Variants in ADGRL3 observed in about 807,000 individuals in gnomAD.
ADGRL3 encodes adhesion G protein-coupled receptor L3.
A neutral mutation model predicts 153.5 loss-of-function variants in ADGRL3; 62 were observed. The observed-to-expected ratio is 0.40, with a 90% CI of 0.33 to 0.50. The LOEUF is 0.50. Ranked by LOEUF, ADGRL3 falls within the 20% of genes least tolerant of loss-of-function variation. The pLI is 0.47. For synonymous variants in ADGRL3, 710 were observed against 672.5 expected (o/e 1.06, Z -0.86); for missense variants, 1,641 against 1,859.4 (o/e 0.88, Z 2.16).
At chr4:61,412,300 C>G (rs970397059) in intron 2 of ADGRL3, among the ~76,000 whole-genome samples, 2 of 152,030 alleles carry the variant, frequency 1.3e-5, no homozygotes, top group Non-Finnish European at 2.9e-5. Context: ...GTTGCTTAGT[C>G]TGGTCTCGAA....
At chr4:61,756,703 C>T (rs1397486281) in intron 8 of ADGRL3, among the ~76,000 whole-genome samples, 1 of 152,110 alleles carries the variant, frequency 6.6e-6, no homozygotes, top group Non-Finnish European at 1.5e-5. Flanking sequence ...GTGCCGGTTT[C>T]CAAAGGGAAT....
At chr4:61,888,852 T>C (rs527597635) in intron 9 of ADGRL3, among the ~76,000 whole-genome samples, 2 of 152,334 alleles carry the variant, frequency 1.3e-5, no homozygotes, top group South Asian at 4.1e-4. Flanking sequence ...ACTTTAAATC[T>C]AATTGTTCTG....
chr4:61,746,729 G>C (rs1429950243), intron 8 of ADGRL3, among the ~76,000 whole-genome samples: 3 of 152,142 alleles, frequency 2.0e-5, no homozygotes, highest in Admixed American at 6.5e-5. Context: ...GAAATTTATA[G>C]CACTAAATGT....
chr4:61,999,084 A>G (rs1415343067), intron 21 of ADGRL3, among the ~76,000 whole-genome samples: 1 of 152,208 alleles, frequency 6.6e-6, no homozygotes, highest in African/African-American at 2.4e-5. Flanking sequence ...AGAGATAAAG[A>G]AACCTTCCTA....
At chr4:61,357,935 G>C (rs1001705591) in intron 1 of ADGRL3, among the ~76,000 whole-genome samples, 29 of 152,124 alleles carry the variant, frequency 1.9e-4, no homozygotes, top group Admixed American at 1.7e-3. Flanking sequence ...TCAAGGTACA[G>C]GCCTTAGAAT....
intron 9 of ADGRL3, 67 bp from the exon 10 acceptor site, chr4:61,892,589 A>G: frequency 8.9e-7 from 1 of 1,117,466 alleles, no homozygotes; most frequent in East Asian, 2.3e-5. Context: ...TTTCTAAAGT[A>G]CTAGGACATC....
intron 5 of ADGRL3, among the ~76,000 whole-genome samples, chr4:61,616,337 C>A (rs924641926): frequency 6.6e-6 from 1 of 151,960 alleles, no homozygotes; most frequent in African/African-American, 2.4e-5. Flanking sequence ...TAATTTAAAG[C>A]CATTAATATT....
rs147234473 is a variant in ADGRL3 at position 61,618,489 on chromosome 4, G to A, written c.473+31049G>A. On this transcript the variant is annotated intron_variant, in intron 5 of 26. Transcript: ENST00000683033. ...ATTCTGATCTGATCTGGGCCTACTA[G>A]GCTGGGGTTTGATGGATCAAGTGTC... Among the ~76,000 whole-genome samples the A allele has an allele frequency of 1.1e-3, 160 of 152,246 alleles. No homozygotes were observed. In the East Asian group the frequency reaches 0.027, roughly 25 times the overall value.
intron 1 of ADGRL3, among the ~76,000 whole-genome samples, chr4:61,229,367 G>T (rs562707939): frequency 3.2e-4 from 48 of 152,260 alleles, no homozygotes; most frequent in African/African-American, 1.1e-3. Context: ...TTATTAATAA[G>T]TCAATGAAAG....
At chr4:62,025,412 C>A (rs1019737621) in intron 21 of ADGRL3, among the ~76,000 whole-genome samples, 1 of 152,144 alleles carries the variant, frequency 6.6e-6, no homozygotes, top group Non-Finnish European at 1.5e-5. Flanking sequence ...GTGAACACTA[C>A]AATCCTAAAA....
At chr4:61,648,301 A>ATCCAGGAT (rs1435174032) in intron 5 of ADGRL3, among the ~76,000 whole-genome samples, 2 of 151,354 alleles carry the variant, frequency 1.3e-5, no homozygotes, top group East Asian at 3.9e-4. Context: ...TTTATACTTA[A>ATCCAGGAT]TCCAGGATTC....
chr4:61,634,642 G>T (rs1169833284), intron 5 of ADGRL3, among the ~76,000 whole-genome samples: 2 of 152,144 alleles, frequency 1.3e-5, no homozygotes, highest in Non-Finnish European at 2.9e-5. Flanking sequence ...AACAATTGGT[G>T]AGATGAGAAG....
At chr4:61,714,853 G>T (rs77567687) in intron 6 of ADGRL3, among the ~76,000 whole-genome samples, 10,420 of 151,970 alleles carry the variant, frequency 0.069, 472 homozygotes, top group Non-Finnish European at 0.1. Flanking sequence ...TCATCCTCCG[G>T]TAAACTACCT....
At chr4:61,969,484 T>G (rs2099019028) in intron 17 of ADGRL3, among the ~76,000 whole-genome samples, 1 of 152,140 alleles carries the variant, frequency 6.6e-6, no homozygotes, top group Admixed American at 6.6e-5. Flanking sequence ...GATCGTTCTA[T>G]GTATTTTTAA....
At position 62,072,465 on chromosome 4, in the gene ADGRL3, AT is replaced by A. The variant is rs1474674520; in HGVS notation, c.*1558del. Reference sequence around the variant, plus strand: ...AAGATATTGTATTGATGTATGTACTATATGATTAATCAGTCTTTTTATTTTT... The same window carrying A: ...AAGATATTGTATTGATGTATGTACTAATGATTAATCAGTCTTTTTATTTTT... On this transcript the variant is annotated 3_prime_UTR_variant, in exon 27 of 27. Transcript: ENST00000683033. 2.0e-5 allele frequency: 3 copies of A among 152,564 alleles called. No individual in the cohort carries two copies. Among genetic ancestry groups the A allele is most frequent in the Non-Finnish European group, 4.4e-5 (3 of 68,022 alleles). 9.5% of individuals were successfully genotyped at this position (152,564 alleles called of 1,614,324 possible).
At chr4:61,270,528 T>C (rs557922189) in intron 1 of ADGRL3, among the ~76,000 whole-genome samples, 1 of 151,772 alleles carries the variant, frequency 6.6e-6, no homozygotes, top group African/African-American at 2.4e-5. Context: ...TCAAAAAAGG[T>C]CCTAATCATA....
chr4:61,558,172 T>TCATATATA (rs1344147107), intron 4 of ADGRL3, among the ~76,000 whole-genome samples: 1,528 of 70,798 alleles, frequency 0.022, 50 homozygotes, highest in African/African-American at 0.12. Flanking sequence ...TATGTAGGAA[T>TCATATATA]CATATATATA....
chr4:61,926,258 G>A (rs2098793912), intron 13 of ADGRL3, among the ~76,000 whole-genome samples: 1 of 152,120 alleles, frequency 6.6e-6, no homozygotes, highest in Non-Finnish European at 1.5e-5. Flanking sequence ...TTCAGTGCAC[G>A]ACTGTATATT....
intron 8 of ADGRL3, among the ~76,000 whole-genome samples, chr4:61,793,743 A>T (rs1251345760): frequency 6.6e-6 from 1 of 152,116 alleles, no homozygotes; most frequent in Non-Finnish European, 1.5e-5. Flanking sequence ...TCAAAACGAT[A>T]AGTTATAAAG....
Sources: gnomAD v4.1 joint callset for allele counts (sites outside exome capture counted in the v4.1 genomes callset) on GRCh38, gnomAD v4.1.1 for gene constraint, MANE v1.5 for transcripts, NCBI Gene and HGNC (gene_info 2026-07-23, HGNC 2026-07-21) for gene names.